TNIK: variants seen among roughly 807,000 people sequenced by gnomAD.
TNIK encodes the protein TRAF2 and NCK-interacting protein kinase.
A neutral mutation model predicts 191.3 loss-of-function variants in TNIK; 49 were observed. The observed-to-expected ratio is 0.26, with a 90% CI of 0.20 to 0.32. The LOEUF is 0.32. TNIK is among the 10% of genes least tolerant of loss of function. TNIK has a pLI of 1.00. For synonymous variants in TNIK, 594 were observed against 600.9 expected, an observed-to-expected ratio of 0.99 and a Z score of 0.17; for missense variants, 1,155 against 1,702.3, an observed-to-expected ratio of 0.68 and a Z score of 5.66.
chr3:171,138,208 G>C lies in TNIK; in HGVS notation c.1591C>G (p.Pro531Ala), dbSNP rs528016021. 9 of 1,603,548 alleles carry C rather than the reference G, an allele frequency of 5.6e-6. No individual in the cohort carries two copies. In the South Asian group the frequency reaches 1.0e-4, roughly 18 times the overall value. ...YKEGMSPSEK[P>A]AWAKEVEERS... ...TTACTTACCTCCTTGGCCCATGCTG[G>C]CTTCTCACTAGGACTCATTCCTTCT... The change falls in exon 15 of 33, where the codon CCA (proline) becomes GCA (alanine). Residue 531 changes from proline (P) to alanine (A), a missense_variant. Physicochemically the swap from Pro to Ala is conservative, Grantham distance 27. Around this residue, in one of 3 missense-constraint regions of TNIK, gnomAD observed 735 missense variants for 848.0 expected, o/e 0.87. Transcript: ENST00000436636.
intron 2 of TNIK, among the ~76,000 whole-genome samples, chr3:171,345,473 G>A (rs1712011670): frequency 6.6e-6 from 1 of 151,786 alleles, no homozygotes. Context: ...TGACAACATA[G>A]GTGTTGGTAG....
intron 2 of TNIK, among the ~76,000 whole-genome samples, chr3:171,329,641 A>C (rs1756195669): frequency 6.6e-6 from 1 of 152,244 alleles, no homozygotes; most frequent in South Asian, 2.1e-4. Flanking sequence ...GGAAAATAAG[A>C]GAATAAATGC....
At chr3:171,277,699 G>A (rs952027758) in intron 2 of TNIK, among the ~76,000 whole-genome samples, 4 of 152,130 alleles carry the variant, frequency 2.6e-5, no homozygotes, top group Non-Finnish European at 4.4e-5. Context: ...TTCACATATT[G>A]TGTAAGTCTG....
At position 171,219,224 on chromosome 3, in the gene TNIK, ATAT is replaced by A. The variant is rs201697445; in HGVS notation, c.181-7986_181-7984del. On this transcript the variant is annotated intron_variant, in intron 3 of 32. Coordinates refer to ENST00000436636, the MANE Select transcript of TNIK (RefSeq NM_015028.4). The stretch of plus-strand genomic sequence containing the variant: ...CAGCAAACCCATTACTAAATTATAT[ATAT>A]TATTATAATTATATGTAATATATAA... Among the ~76,000 whole-genome samples the A allele has an allele frequency of 5.7e-4, 79 of 138,072 alleles. 1 individual carries two copies. In the East Asian group the frequency reaches 0.013, roughly 23 times the overall value. The allele number at this position is 138,072 out of a possible 152,430, so 90.6% of individuals were successfully genotyped here. A position where few individuals can be genotyped will look rare whatever the true frequency, so the allele number is the denominator to read the frequency against.
intron 3 of TNIK, among the ~76,000 whole-genome samples, chr3:171,216,385 A>G (rs1274631268): frequency 6.6e-6 from 1 of 152,226 alleles, no homozygotes; most frequent in African/African-American, 2.4e-5. Flanking sequence ...ACAAAATTAG[A>G]AAGAAATTTA....
chr3:171,111,767 G>C (rs1029269482), intron 18 of TNIK, among the ~76,000 whole-genome samples: 1 of 152,208 alleles, frequency 6.6e-6, no homozygotes, highest in Non-Finnish European at 1.5e-5. Context: ...ACCTAAGTGT[G>C]TGTCCACTGA....
At chr3:171,146,885 C>T (rs10936671) in intron 12 of TNIK, among the ~76,000 whole-genome samples, 73,817 of 137,552 alleles carry the variant, frequency 0.54, 21,019 homozygotes, top group Non-Finnish European at 0.62. Flanking sequence ...CAGAGTGAGA[C>T]TTCATCTCAA....
intron 2 of TNIK, among the ~76,000 whole-genome samples, chr3:171,308,401 A>C (rs1753687207): frequency 6.6e-6 from 1 of 152,122 alleles, no homozygotes; most frequent in African/African-American, 2.4e-5. Flanking sequence ...CCACACACAA[A>C]AATCAACTCA....
At chr3:171,307,347 G>A (rs1386634568) in intron 2 of TNIK, among the ~76,000 whole-genome samples, 1 of 152,020 alleles carries the variant, frequency 6.6e-6, no homozygotes, top group African/African-American at 2.4e-5. Context: ...TTCAAGGGAA[G>A]GCCTCTTCTT....
chr3:171,100,757 A>G (rs895612020), intron 22 of TNIK, among the ~76,000 whole-genome samples: 8 of 151,692 alleles, frequency 5.3e-5, no homozygotes, highest in African/African-American at 1.2e-4. Flanking sequence ...AAAAAAAAAA[A>G]AAAAAGAAAA....
chr3:171,422,824 C>A (rs1724003621), intron 1 of TNIK, among the ~76,000 whole-genome samples: 1 of 152,210 alleles, frequency 6.6e-6, no homozygotes, highest in Non-Finnish European at 1.5e-5. Context: ...CACTTCCTAG[C>A]CCGGTGGCTT....
intron 4 of TNIK, among the ~76,000 whole-genome samples, chr3:171,210,829 C>A: frequency 8.2e-6 from 1 of 122,258 alleles, no homozygotes; most frequent in Non-Finnish European, 1.7e-5. Flanking sequence ...AAATAAAACA[C>A]AATAAAAGGT....
intron 2 of TNIK, among the ~76,000 whole-genome samples, chr3:171,253,497 C>T (rs577831510): frequency 6.6e-6 from 1 of 151,720 alleles, no homozygotes; most frequent in Non-Finnish European, 1.5e-5. Context: ...TGCCTCCCAA[C>T]CCTCCCTTTA....
At chr3:171,288,337 AAAAT>A (rs1560377908) in intron 2 of TNIK, among the ~76,000 whole-genome samples, 52 of 138,786 alleles carry the variant, frequency 3.7e-4, no homozygotes, top group African/African-American at 1.5e-3. Context: ...AAAAAAAAAG[AAAAT>A]ATTTGGGTGG....
intron 2 of TNIK, among the ~76,000 whole-genome samples, chr3:171,324,632 C>A (rs913731192): frequency 2.6e-5 from 4 of 152,050 alleles, no homozygotes; most frequent in Non-Finnish European, 4.4e-5. Context: ...TAAAAAGGTT[C>A]TATTATTCAC....
chr3:171,414,833 T>G (rs1722851791), intron 1 of TNIK, among the ~76,000 whole-genome samples: 1 of 152,224 alleles, frequency 6.6e-6, no homozygotes, highest in Non-Finnish European at 1.5e-5. Flanking sequence ...TTTAATGCAG[T>G]TCTATACTAC....
Position 171,066,168 on chromosome 3 carries a change from A to C in TNIK, c.3999+19T>G, listed in dbSNP as rs1718410382. On this transcript the variant is annotated intron_variant, in intron 32 of 32. Transcript: ENST00000436636. Reference sequence around the variant, plus strand: ...CTCTTAAAATGCAAACACTAATGCAAATGTTGAAACGGATTTACCTTATCA... The same window carrying C: ...CTCTTAAAATGCAAACACTAATGCACATGTTGAAACGGATTTACCTTATCA... 1 of 1,611,552 alleles carries C rather than the reference A, an allele frequency of 6.2e-7. No homozygotes were observed. The highest frequency in any genetic ancestry group is 1.3e-5 in the African/African-American group (1 of 74,910).
chr3:171,413,387 C>T (rs982767054), intron 1 of TNIK, among the ~76,000 whole-genome samples: 8 of 152,120 alleles, frequency 5.3e-5, no homozygotes, highest in Non-Finnish European at 1.0e-4. Context: ...ACACATATCC[C>T]ACCCCATGCC....
At chr3:171,383,271 C>T (rs953999198) in intron 1 of TNIK, among the ~76,000 whole-genome samples, 16 of 152,214 alleles carry the variant, frequency 1.1e-4, no homozygotes, top group African/African-American at 3.9e-4. Flanking sequence ...TAAACCAGAG[C>T]ATGCTGGAGC....
Sources: allele counts gnomAD v4.1 joint callset (sites outside exome capture counted in the v4.1 genomes callset), GRCh38; gene constraint gnomAD v4.1.1; regional missense constraint gnomAD v4.1.1; transcripts MANE v1.5; gene names NCBI Gene and HGNC (gene_info 2026-07-23, HGNC 2026-07-21).